Variants in IST1 observed in about 807,000 individuals in gnomAD.
The protein encoded by IST1 is IST1 homolog.
Under a neutral mutation model 37.0 loss-of-function variants are expected in IST1, and 23 were observed. The observed-to-expected ratio is 0.62, with a 90% CI of 0.45 to 0.88. The LOEUF (loss-of-function observed/expected upper bound fraction) is 0.88. Among genes scored for constraint, IST1 ranks in the 40% least tolerant of loss-of-function variants. The pLI, the probability that IST1 is intolerant of heterozygous loss-of-function variation, is 0.00. For synonymous variants in IST1, 180 were observed against 161.7 expected, an observed-to-expected ratio of 1.11 and a Z score of -0.86; for missense variants, 488 against 445.4, an observed-to-expected ratio of 1.10 and a Z score of -0.86.
At chr16:71,920,866 A>G (rs1160687243) in intron 5 of IST1, 44 bp downstream of exon 5, 1 of 1,369,556 alleles carries the variant, frequency 7.3e-7, no homozygotes, top group South Asian at 1.2e-5. Context: ...GTGTGGGAGC[A>G]GTTTATTGTA....
chr16:71,923,384 A>T lies in IST1; in HGVS notation c.852+4A>T. The T allele has an allele frequency of 6.3e-7, 1 of 1,578,114 alleles. No individual in the cohort carries two copies. Among genetic ancestry groups the T allele is most frequent in the Admixed American group, 1.7e-5 (1 of 59,800 alleles). Reference sequence around the variant, plus strand: ...AACTCCCCCATCGTATGAATCTGTAAGTGCCTGAGCCTCTTTTATAAGCAA... The same window carrying T: ...AACTCCCCCATCGTATGAATCTGTATGTGCCTGAGCCTCTTTTATAAGCAA... On this transcript the variant is annotated splice_donor_region_variant and intron_variant, in intron 8 of 9. Coordinates refer to ENST00000378799, the MANE Select transcript of IST1 (RefSeq NM_001270975.2).
chr16:71,924,696 A>G, intron 8 of IST1, 73 bp from the exon 9 acceptor site: 3 of 1,183,408 alleles, frequency 2.5e-6, no homozygotes, highest in Non-Finnish European at 3.8e-6. Flanking sequence ...TTTTGGAAAC[A>G]CAGGGGCTTA....
At chr16:71,927,512 C>G (rs1206852145) in intron 9 of IST1, 102 bp from the exon 10 acceptor site, 3 of 806,478 alleles carry the variant, frequency 3.7e-6, no homozygotes, top group African/African-American at 1.8e-5. Flanking sequence ...AGTTTGTGAA[C>G]TAAGGTTTTC....
At chr16:71,910,498 C>T (rs570972148) in intron 1 of IST1, among the ~76,000 whole-genome samples, 5 of 151,210 alleles carry the variant, frequency 3.3e-5, no homozygotes, top group Admixed American at 6.6e-5. Context: ...CCCAGCTACT[C>T]GGGAGGCTGA....
chr16:71,926,194 A>G (rs2037738389), intron 9 of IST1, among the ~76,000 whole-genome samples: 1 of 150,968 alleles, frequency 6.6e-6, no homozygotes, highest in African/African-American at 2.4e-5. Context: ...AGGCAGAAGA[A>G]TCTCTTGAAC....
At chr16:71,922,773 G>C in intron 7 of IST1, 93 bp downstream of exon 7, 1 of 1,042,806 alleles carries the variant, frequency 9.6e-7, no homozygotes, top group Non-Finnish European at 1.4e-6. Flanking sequence ...AGGTTGTCAG[G>C]AGCCATTAGC....
Position 71,921,397 on chromosome 16 carries a change from C to G in IST1, c.496C>G (p.Leu166Val), listed in dbSNP as rs2037579966. The G allele has an allele frequency of 1.2e-6, 2 of 1,613,766 alleles. No homozygotes were observed. Among genetic ancestry groups the G allele is most frequent in the African/African-American group, 1.3e-5 (1 of 74,910 alleles). Residue 166 changes from leucine to valine, a missense_variant, in exon 6 of 10, where the codon CTG (leucine) becomes GTG (valine). Leu to Val is a conservative substitution (Grantham distance 32). Around this residue, in one of 2 missense-constraint regions of IST1, gnomAD observed 455 missense variants for 386.2 expected, o/e 1.18. Coordinates refer to ENST00000378799, the MANE Select transcript of IST1 (RefSeq NM_001270975.2). ...APPKILVERY[L>V]IEIAKNYNVP... ...ACCCAAAATCCTGGTGGAGAGATAC[C>G]TGATTGAAATTGCAAAGAATTACAA...
Position 71,917,277 on chromosome 16 carries a change from C to T in IST1, c.357+143C>T, listed in dbSNP as rs2037485604. 7 of 575,516 alleles carry T rather than the reference C, an allele frequency of 1.2e-5. 1 individual carries two copies. Among genetic ancestry groups the T allele is most frequent in the Admixed American group, 1.1e-4 (3 of 28,180 alleles). The allele number at this position is 575,516 out of a possible 1,614,324, so 35.7% of individuals were successfully genotyped here. On this transcript the variant is annotated intron_variant, in intron 4 of 9. Transcript: ENST00000378799. ...TGAAATAGGTTTTGTAAATTTGTTT[C>T]TCCCTTTCAGCCTTATATCGTAGAA...
chr16:71,922,201 T>C (rs527889366), intron 6 of IST1, among the ~76,000 whole-genome samples: 15 of 152,152 alleles, frequency 9.9e-5, no homozygotes, highest in Non-Finnish European at 1.9e-4. Context: ...TGGTGTGTAC[T>C]GCTCAGACAT....
chr16:71,922,008 G>T (rs2037601286), intron 6 of IST1, among the ~76,000 whole-genome samples: 1 of 152,144 alleles, frequency 6.6e-6, no homozygotes, highest in Non-Finnish European at 1.5e-5. Flanking sequence ...GTGGTGGTGG[G>T]CACCTGTAAT....
intron 8 of IST1, chr16:71,923,607 A>C: frequency 2.6e-6 from 1 of 386,326 alleles, no homozygotes. Context: ...GCCAGGAATC[A>C]GGAAGGAACT....
intron 1 of IST1, among the ~76,000 whole-genome samples, chr16:71,913,217 TCC>T (rs1222389748): frequency 6.6e-6 from 1 of 152,122 alleles, no homozygotes; most frequent in East Asian, 1.9e-4. Context: ...CGTTTTGCAA[TCC>T]CACCAACAGT....
At chr16:71,910,628 GAAAA>G (rs899960755) in intron 1 of IST1, among the ~76,000 whole-genome samples, 5 of 150,466 alleles carry the variant, frequency 3.3e-5, no homozygotes, top group Non-Finnish European at 7.4e-5. Flanking sequence ...AGAAAAAAAA[GAAAA>G]AAAGGTACTA....
At chr16:71,910,603 C>A (rs2037331663) in intron 1 of IST1, among the ~76,000 whole-genome samples, 3 of 129,078 alleles carry the variant, frequency 2.3e-5, no homozygotes, top group South Asian at 2.4e-4. Flanking sequence ...AAGACTCTGT[C>A]TCAAAAAAAA....
chr16:71,922,631 C>T lies in IST1; in HGVS notation c.710C>T (p.Pro237Leu), dbSNP rs559671524. ...TVPMPMPMPM[P>L]MPSANTPFSY... is the part of the protein sequence containing the mutation. ...CCAATGCCCATGCCCATGCCCATGC[C>T]TATGCCATCTGCAAATACGCCTTTC... The change falls in exon 7 of 10, where the codon CCT (proline) becomes CTT (leucine). Residue 237 changes from proline to leucine, a missense_variant. Physicochemically the swap from Pro to Leu is moderately conservative, Grantham distance 98. This residue lies in a region of IST1 where 455 missense variants were observed against 386.2 expected (regional missense o/e 1.18). Transcript: ENST00000378799. The T allele has an allele frequency of 6.4e-7, 1 of 1,555,072 alleles. No individual in the cohort carries two copies. Among genetic ancestry groups the T allele is most frequent in the Non-Finnish European group, 8.8e-7 (1 of 1,131,162 alleles).
In IST1 at chr16:71,895,546, C is replaced by G. The variant is rs1019327052; in HGVS notation, c.-59C>G. The G allele has an allele frequency of 1.0e-6, 1 of 985,584 alleles. No individual in the cohort carries two copies. The highest frequency in any genetic ancestry group is 1.1e-4 in the East Asian group (1 of 8,816). 61.1% of individuals were successfully genotyped at this position (985,584 alleles called of 1,614,324 possible). On this transcript the variant is annotated 5_prime_UTR_variant, in exon 1 of 10. Coordinates refer to ENST00000378799, the MANE Select transcript of IST1 (RefSeq NM_001270975.2). ...GGGAGTCGCCATTTTGGATGGTGAA[C>G]CCTGAAGTCGGTGTCTGCTGCGTTC...
In IST1 at chr16:71,928,168, GGA is replaced by G; in HGVS notation, c.*361_*362del. ...GACCACCAAAGATGGCTGGACAGTG[GGA>G]GAGAGCACGTTGTGAAGCATCCCAG... On this transcript the variant is annotated 3_prime_UTR_variant, in exon 10 of 10. Coordinates refer to ENST00000378799, the MANE Select transcript of IST1 (RefSeq NM_001270975.2). 1 of 300,640 alleles carries G rather than the reference GGA, an allele frequency of 3.3e-6. No homozygotes were observed. The highest frequency in any genetic ancestry group is 6.4e-6 in the Non-Finnish European group (1 of 155,644). The allele number at this position is 300,640 out of a possible 1,614,324, so 18.6% of individuals were successfully genotyped here. A position where few individuals can be genotyped will look rare whatever the true frequency, so the allele number is the denominator to read the frequency against.
Position 71,929,877 on chromosome 16 carries a change from A to G in IST1, c.*2064A>G. ...TATAGGACAATGGCTATAGAATATT[A>G]TGTAGTCTTATAAATTGGGTTTCCT... On this transcript the variant is annotated 3_prime_UTR_variant, in exon 10 of 10. Transcript: ENST00000378799. 2 of 984,034 alleles carry G rather than the reference A, an allele frequency of 2.0e-6. No individual in the cohort carries two copies. Among genetic ancestry groups the G allele is most frequent in the Non-Finnish European group, 2.9e-6 (2 of 685,114 alleles). The allele number at this position is 984,034 out of a possible 1,614,324, so 61.0% of individuals were successfully genotyped here. A position where few individuals can be genotyped will look rare whatever the true frequency, so the allele number is the denominator to read the frequency against.
In IST1 at chr16:71,927,904, T is replaced by C. The variant is rs987951366; in HGVS notation, c.*91T>C. On this transcript the variant is annotated 3_prime_UTR_variant, in exon 10 of 10. Coordinates refer to ENST00000378799, the MANE Select transcript of IST1 (RefSeq NM_001270975.2). ...AGAATCTCCATGAAATTCTGTTTCA[T>C]CTGTTAACCGTCACTCAGCACAACA... The C allele has an allele frequency of 1.1e-6, 1 of 926,916 alleles. No individual in the cohort carries two copies. Among genetic ancestry groups the C allele is most frequent in the African/African-American group, 1.6e-5 (1 of 61,690 alleles). 57.4% of individuals were successfully genotyped at this position (926,916 alleles called of 1,614,324 possible). A position where few individuals can be genotyped will look rare whatever the true frequency, so the allele number is the denominator to read the frequency against.
Sources: gnomAD v4.1 joint callset for allele counts (sites outside exome capture counted in the v4.1 genomes callset) on GRCh38, gnomAD v4.1.1 for gene constraint, gnomAD v4.1.1 regional missense constraint, MANE v1.5 for transcripts, NCBI Gene and HGNC (gene_info 2026-07-23, HGNC 2026-07-21) for gene names.